The following AIG1 variants were observed in gnomAD, a reference collection of about 807,000 sequenced individuals.
AIG1 encodes the protein androgen induced 1.
A neutral mutation model predicts 31.4 loss-of-function variants in AIG1; 23 were observed. The ratio of observed to expected loss-of-function variants is 0.73; its 90% CI spans 0.53 to 1.04. The LOEUF (loss-of-function observed/expected upper bound fraction) is 1.04, where lower values mean the gene tolerates loss of function less well. AIG1 is among the 50% of genes least tolerant of loss of function. The pLI, the probability that AIG1 is intolerant of heterozygous loss-of-function variation, is 0.00. For synonymous variants in AIG1, 100 were observed against 110.5 expected, an observed-to-expected ratio of 0.90 and a Z score of 0.60; for missense variants, 274 against 295.0, an observed-to-expected ratio of 0.93 and a Z score of 0.52.
chr6:143,169,139 CA>C (rs898363032), intron 3 of AIG1, among the ~76,000 whole-genome samples: 2 of 151,960 alleles, frequency 1.3e-5, no homozygotes, highest in Admixed American at 6.6e-5. Context: ...GAGGATAAAA[CA>C]TTTTATTTAG....
intron 3 of AIG1, among the ~76,000 whole-genome samples, chr6:143,209,746 A>C (rs1791440242): frequency 6.6e-6 from 1 of 152,232 alleles, no homozygotes; most frequent in Non-Finnish European, 1.5e-5. Context: ...TAGGCCCCCA[A>C]GTTCATGGTA....
At chr6:143,073,302 G>A (rs1289586993) in intron 1 of AIG1, among the ~76,000 whole-genome samples, 1 of 152,094 alleles carries the variant, frequency 6.6e-6, no homozygotes, top group African/African-American at 2.4e-5. Flanking sequence ...TCCATATCTT[G>A]GCTATTGTGA....
chr6:143,189,198 C>A (rs1789558465), intron 3 of AIG1: 1 of 403,736 alleles, frequency 2.5e-6, no homozygotes, highest in Admixed American at 6.4e-5. Flanking sequence ...TGTGGACCAC[C>A]ACCCCTGGCT....
intron 3 of AIG1, among the ~76,000 whole-genome samples, chr6:143,191,198 A>G (rs1195814222): frequency 6.6e-6 from 1 of 152,162 alleles, no homozygotes; most frequent in Non-Finnish European, 1.5e-5. Context: ...CTTAACTCTA[A>G]TGGGTTAGTT....
intron 3 of AIG1, among the ~76,000 whole-genome samples, chr6:143,167,650 T>C (rs1787090864): frequency 6.6e-6 from 1 of 152,190 alleles, no homozygotes; most frequent in African/African-American, 2.4e-5. Flanking sequence ...CCTCTCTTAA[T>C]TTTACCTTGA....
At chr6:143,275,590 T>G (rs1796835089) in intron 3 of AIG1, among the ~76,000 whole-genome samples, 1 of 152,162 alleles carries the variant, frequency 6.6e-6, no homozygotes, top group Non-Finnish European at 1.5e-5. Context: ...TGCTGTACCT[T>G]TACTTTTTCT....
rs1024534335 is a variant in AIG1 at position 143,065,954 on chromosome 6, C to T, written c.141+4888C>T. ...CTGGCCATTTTGAGAGTCATCCTCT[C>T]TTAGGGCCGTATCATACCCATTATT... On this transcript the variant is annotated intron_variant, in intron 1 of 5. Coordinates refer to ENST00000357847, the MANE Select transcript of AIG1 (RefSeq NM_016108.4). 4.6e-5 allele frequency among the ~76,000 whole-genome samples: 7 copies of T among 152,302 alleles called. No homozygotes were observed. In the South Asian group the frequency reaches 1.4e-3, roughly 32 times the overall value.
Position 143,331,940 on chromosome 6 carries a change from C to T in AIG1, c.516-1342C>T, listed in dbSNP as rs917929766. Among the ~76,000 whole-genome samples, 2 of 151,182 alleles carry T rather than the reference C, an allele frequency of 1.3e-5. No homozygotes were observed. Among genetic ancestry groups the T allele is most frequent in the Non-Finnish European group, 2.9e-5 (2 of 67,898 alleles). Reference sequence around the variant, plus strand: ...AGGCTGGAGTGCAGTGGTGTGATCTCAGCTCACTGCAACCTCTGCCTCCCA... The same window carrying T: ...AGGCTGGAGTGCAGTGGTGTGATCTTAGCTCACTGCAACCTCTGCCTCCCA... On this transcript the variant is annotated intron_variant, in intron 4 of 5. Transcript: ENST00000357847. The surrounding 1 kb of genome is among the most constrained non-coding windows in gnomAD (Gnocchi z 4.1).
In AIG1 at chr6:143,136,983, T is replaced by C. The variant is rs1449765877; in HGVS notation, c.290T>C (p.Val97Ala). Residue 97 changes from valine (V) to alanine (A), a missense_variant, in exon 2 of 6, where the codon GTT becomes GCT. Physicochemically the swap from Val to Ala is moderately conservative, Grantham distance 64 (BLOSUM62 0). Coordinates refer to ENST00000357847, the MANE Select transcript of AIG1 (RefSeq NM_016108.4). ...ATGTTAGCTGTGTTGGCCTTTCCTGTTGGGGTTGTGAGTATGATGGAGGAT... is the reference window on the plus strand; with the variant it reads ...ATGTTAGCTGTGTTGGCCTTTCCTGCTGGGGTTGTGAGTATGATGGAGGAT... ...DWMLAVLAFPVGVFVVAVFWI... is the reference protein window; with the variant it reads ...DWMLAVLAFPAGVFVVAVFWI... The C allele has an allele frequency of 2.1e-6, 3 of 1,428,040 alleles. No individual in the cohort carries two copies. Among genetic ancestry groups the C allele is most frequent in the Non-Finnish European group, 2.8e-6 (3 of 1,072,242 alleles). The allele number at this position is 1,428,040 out of a possible 1,614,324, so 88.5% of individuals were successfully genotyped here. A position where few individuals can be genotyped will look rare whatever the true frequency, so the allele number is the denominator to read the frequency against.
chr6:143,098,662 T>A (rs144663368), intron 1 of AIG1, among the ~76,000 whole-genome samples: 86 of 152,344 alleles, frequency 5.6e-4, no homozygotes, highest in African/African-American at 1.9e-3. Context: ...TTCAAACTTA[T>A]GTTAAAAAAC....
chr6:143,192,592 C>T lies in AIG1; in HGVS notation c.399+27409C>T, dbSNP rs1324764112. Among the ~76,000 whole-genome samples the T allele has an allele frequency of 2.7e-5, 4 of 147,846 alleles. No individual in the cohort carries two copies. In the East Asian group the frequency reaches 5.9e-4, roughly 22 times the overall value. The stretch of plus-strand genomic sequence containing the variant: ...TTGCACTCCAGCCTGGGCAACAGAG[C>T]GAGACTCCATCTCAAGAAAAAAAAA... On this transcript the variant is annotated intron_variant, in intron 3 of 5. Transcript: ENST00000357847.
At chr6:143,139,007 G>A (rs1784020402) in intron 2 of AIG1, among the ~76,000 whole-genome samples, 1 of 151,586 alleles carries the variant, frequency 6.6e-6, no homozygotes, top group Non-Finnish European at 1.5e-5. Context: ...GACTTATGTT[G>A]TAAATTTTGC....
intron 1 of AIG1, among the ~76,000 whole-genome samples, chr6:143,098,216 C>T (rs1779962071): frequency 6.6e-6 from 1 of 152,178 alleles, no homozygotes; most frequent in African/African-American, 2.4e-5. Flanking sequence ...CACTCTGCCC[C>T]AGTGAAGGAA....
chr6:143,227,826 G>C (rs577483794), intron 3 of AIG1, among the ~76,000 whole-genome samples: 2 of 152,276 alleles, frequency 1.3e-5, no homozygotes, highest in East Asian at 3.9e-4. Flanking sequence ...TGGGGCCATC[G>C]AAGGACCGAG....
intron 3 of AIG1, among the ~76,000 whole-genome samples, chr6:143,251,953 C>T (rs556106536): frequency 1.3e-5 from 2 of 152,338 alleles, no homozygotes; most frequent in East Asian, 3.9e-4. Context: ...ACTCCATCCC[C>T]CAGATAGTAA....
Position 143,213,508 on chromosome 6 carries a change from C to CTTTTTTTTTTTTTT in AIG1, c.399+48338_399+48351dup, listed in dbSNP as rs746350692. Among the ~76,000 whole-genome samples the CTTTTTTTTTTTTTT allele has an allele frequency of 2.9e-4, 18 of 61,202 alleles. 1 individual carries two copies. The highest frequency in any genetic ancestry group is 4.5e-4 in the Non-Finnish European group (13 of 28,738). 40.2% of individuals were successfully genotyped at this position (61,202 alleles called of 152,430 possible). Reference sequence around the variant, plus strand: ...GGAAAGTTCTTTCTTTTTCTTTCTTCTTTTTTTTTTTTTTTTTTTTTTTTT... The same window carrying CTTTTTTTTTTTTTT: ...GGAAAGTTCTTTCTTTTTCTTTCTTCTTTTTTTTTTTTTTTTTTTTTTTTTTTTTTTTTTTTTTT... On this transcript the variant is annotated intron_variant, in intron 3 of 5. Transcript: ENST00000357847.
intron 1 of AIG1, among the ~76,000 whole-genome samples, chr6:143,113,806 C>T (rs1231107619): frequency 1.3e-5 from 2 of 151,608 alleles, no homozygotes; most frequent in Non-Finnish European, 2.9e-5. Flanking sequence ...ACGGAGTCTC[C>T]CTCCGTCACC....
At chr6:143,073,047 C>T (rs9496511) in intron 1 of AIG1, among the ~76,000 whole-genome samples, 37,511 of 152,122 alleles carry the variant, frequency 0.25, 8,635 homozygotes, top group African/African-American at 0.58. Flanking sequence ...TTCCCACTCC[C>T]GTGCCTGGTA....
intron 1 of AIG1, among the ~76,000 whole-genome samples, chr6:143,063,147 G>A (rs140174343): frequency 1.0e-3 from 153 of 152,326 alleles, no homozygotes; most frequent in African/African-American, 3.4e-3. Context: ...ACCTTTGTGT[G>A]ACATGAAACC....
Sources: allele counts gnomAD v4.1 joint callset (sites outside exome capture counted in the v4.1 genomes callset), GRCh38; gene constraint gnomAD v4.1.1; non-coding constraint Gnocchi (gnomAD v3.1); transcripts MANE v1.5; gene names NCBI Gene and HGNC (gene_info 2026-07-23, HGNC 2026-07-21).